The following EVC variants were observed in gnomAD, a reference collection of about 807,000 sequenced individuals.
EVC encodes evC complex member EVC.
Under a neutral mutation model 118.9 loss-of-function variants are expected in EVC, and 116 were observed. That is an observed-to-expected ratio of 0.98 (90% CI 0.84 to 1.14). EVC has a LOEUF of 1.14. Ranked by LOEUF, EVC falls within the 50% of genes most tolerant of loss-of-function variation. The pLI is 0.00. For synonymous variants in EVC, 619 were observed against 534.7 expected, an observed-to-expected ratio of 1.16 and a Z score of -2.18; for missense variants, 1,401 against 1,246.4, an observed-to-expected ratio of 1.12 and a Z score of -1.87.
intron 11 of EVC, among the ~76,000 whole-genome samples, chr4:5,763,734 T>G (rs1732429896): frequency 8.7e-6 from 1 of 115,548 alleles, no homozygotes; most frequent in Non-Finnish European, 1.8e-5. Context: ...ATGCTTGTGA[T>G]TTTTGTACAT....
At chr4:5,711,700 C>T in intron 1 of EVC, 146 bp downstream of exon 1, 1 of 726,096 alleles carries the variant, frequency 1.4e-6, no homozygotes, top group Non-Finnish European at 1.7e-6. Context: ...GGTTCCCCTT[C>T]TGCTCCAGGA....
rs1259104611 is a variant in EVC, at chr4:5,738,192, G to A, written c.703-3524G>A. On this transcript the variant is annotated intron_variant, in intron 5 of 20. Transcript: ENST00000264956. The surrounding 1 kb of genome is among the most constrained non-coding windows in gnomAD (Gnocchi z 6.5). ...AATTGGAGCCTGAAGATGGGACTGA[G>A]CTGCTGCAATCTCATGATGAAACAT... Among the ~76,000 whole-genome samples, 1 of 152,198 alleles carries A rather than the reference G, an allele frequency of 6.6e-6. No individual in the cohort carries two copies. Among genetic ancestry groups the A allele is most frequent in the Non-Finnish European group, 1.5e-5 (1 of 68,030 alleles).
Position 5,749,309 on chromosome 4 carries a change from A to G in EVC, c.1098+1003A>G, listed in dbSNP as rs1409705039. 6.6e-6 allele frequency among the ~76,000 whole-genome samples: 1 copy of G among 151,188 alleles called. No individual in the cohort carries two copies. The highest frequency in any genetic ancestry group is 1.5e-5 in the Non-Finnish European group (1 of 67,894). On this transcript the variant is annotated intron_variant, in intron 8 of 20. Transcript: ENST00000264956. This position sits in a 1 kb window ranked among gnomAD's most constrained non-coding sequence, Gnocchi z 4.4. ...AAGAATTGTCTTAGGCCACACATAA[A>G]ATACATTAACACTAACGATAGCTGA... is the stretch of plus-strand genomic sequence containing the variant.
intron 11 of EVC, among the ~76,000 whole-genome samples, chr4:5,778,393 A>G (rs1735054888): frequency 6.6e-6 from 1 of 151,924 alleles, no homozygotes; most frequent in Non-Finnish European, 1.5e-5. Context: ...TTCTAGTTCT[A>G]GATCCCTGAG....
At position 5,731,478 on chromosome 4, in the gene EVC, T is replaced by G. The variant is rs200690823; in HGVS notation, c.438T>G (p.Ala146=). 1.9e-6 allele frequency: 3 copies of G among 1,613,388 alleles called. No homozygotes were observed. The highest frequency in any genetic ancestry group is 2.7e-5 in the African/African-American group (2 of 74,972). ...NPSLHENLKQ[A]VLPHQPVEAS... Reference sequence around the variant, plus strand: ...CTCTGCATGAAAACTTAAAGCAGGCTGTTTTGCCACACCAGCCGGTAGAGG... The same window carrying G: ...CTCTGCATGAAAACTTAAAGCAGGCGGTTTTGCCACACCAGCCGGTAGAGG... The change falls in exon 4 of 21, where the codon GCT becomes GCG. Residue 146 remains alanine (A), a synonymous_variant. Transcript: ENST00000264956. The surrounding 1 kb of genome is among the most constrained non-coding windows in gnomAD (Gnocchi z 5.6).
chr4:5,757,589 A>G (rs1731371889), intron 11 of EVC, among the ~76,000 whole-genome samples: 1 of 152,218 alleles, frequency 6.6e-6, no homozygotes, highest in Non-Finnish European at 1.5e-5. Context: ...CCGGGCTTGC[A>G]GACAGCTGCC....
At chr4:5,713,225 G>C (rs2151789162) in intron 1 of EVC, among the ~76,000 whole-genome samples, 1 of 152,298 alleles carries the variant, frequency 6.6e-6, no homozygotes, top group African/African-American at 2.4e-5. Flanking sequence ...AGGACTAATA[G>C]GATTTTGTTA....
In EVC at chr4:5,797,176, G is replaced by C. The variant is rs201877358; in HGVS notation, c.2041G>C (p.Glu681Gln). The change falls in exon 14 of 21, where the codon GAG (glutamate) becomes CAG (glutamine). Residue 681 changes from glutamate to glutamine, a missense_variant. Glu to Gln is a conservative substitution (Grantham distance 29, BLOSUM62 2). Transcript: ENST00000264956. ...GGAGCTGCGGGAACAGCGTGCACTG[G>C]AGCAGGGGTCCTCCCAGTGCCTGGA... ...LQELREQRALEQGSSQCLDEH... is the reference protein window; with the variant it reads ...LQELREQRALQQGSSQCLDEH... The C allele has an allele frequency of 6.2e-7, 1 of 1,613,414 alleles. No individual in the cohort carries two copies. The highest frequency in any genetic ancestry group is 1.1e-5 in the South Asian group (1 of 91,064).
intron 4 of EVC, among the ~76,000 whole-genome samples, chr4:5,732,038 A>G (rs1726908606): frequency 6.6e-6 from 1 of 152,206 alleles, no homozygotes; most frequent in African/African-American, 2.4e-5. Context: ...TCCTGGGACA[A>G]GTTCAGCAAT....
intron 8 of EVC, 144 bp from the exon 9 acceptor site, chr4:5,752,692 G>A: frequency 1.2e-6 from 1 of 821,724 alleles, no homozygotes; most frequent in Non-Finnish European, 2.1e-6. Flanking sequence ...ATGAAGGAGA[G>A]GGGGAGTTCA....
chr4:5,720,929 TG>T (rs1724857118), intron 2 of EVC, among the ~76,000 whole-genome samples: 1 of 152,130 alleles, frequency 6.6e-6, no homozygotes, highest in South Asian at 2.1e-4. Context: ...CTCCAAACAC[TG>T]ATTGAGCCCC....
intron 14 of EVC, chr4:5,797,521 C>A: frequency 1.9e-6 from 1 of 529,718 alleles, no homozygotes; most frequent in Admixed American, 3.2e-5. Context: ...TGTCTTCAAC[C>A]TGTGTCCTCC....
At chr4:5,717,089 ACT>A (rs1724085646) in intron 1 of EVC, among the ~76,000 whole-genome samples, 1 of 150,986 alleles carries the variant, frequency 6.6e-6, no homozygotes. Flanking sequence ...TCTTCCAAGA[ACT>A]CCTATCACTT....
In EVC at chr4:5,774,000, C is replaced by G. The variant is rs538406697; in HGVS notation, c.1564-9552C>G. Among the ~76,000 whole-genome samples the G allele has an allele frequency of 2.6e-5, 4 of 152,150 alleles. No individual in the cohort carries two copies. The East Asian group carries it at 5.8e-4, about 22-fold the overall frequency. On this transcript the variant is annotated intron_variant, in intron 11 of 20. Coordinates refer to ENST00000264956, the MANE Select transcript of EVC (RefSeq NM_153717.3). ...AAGATCCATTCCGTGGACTCTGAAC[C>G]TTCATTGGTGCATCTTCAGCCCTGG... is the stretch of plus-strand genomic sequence containing the variant.
chr4:5,824,202 CCTT>C, the EVC span: 2 of 728,680 alleles, frequency 2.7e-6, no homozygotes, highest in African/African-American at 3.8e-5. Flanking sequence ...TTTGCAAACT[CCTT>C]GAGAGCTTGT....
At position 5,719,153 on chromosome 4, in the gene EVC, G is replaced by C; in HGVS notation, c.175-95G>C. ...CGAGCAGAAGTGGCTGCTGGACTGG[G>C]GGAGTTGACTGGCAAAAGTCACGGT... On this transcript the variant is annotated intron_variant, in intron 1 of 20. Transcript: ENST00000264956. The surrounding 1 kb of genome is among the most constrained non-coding windows in gnomAD (Gnocchi z 4.7). 6.6e-7 allele frequency: 1 copy of C among 1,521,504 alleles called. No homozygotes were observed. The highest frequency in any genetic ancestry group is 9.1e-7 in the Non-Finnish European group (1 of 1,099,842). The allele number at this position is 1,521,504 out of a possible 1,614,324, so 94.3% of individuals were successfully genotyped here.
rs1318534831 is a variant in EVC at position 5,749,339 on chromosome 4, C to T, written c.1098+1033C>T. 2.6e-4 allele frequency among the ~76,000 whole-genome samples: 23 copies of T among 87,194 alleles called. No homozygotes were observed. The South Asian group carries it at 5.4e-3, about 20-fold the overall frequency. 57.2% of individuals were successfully genotyped at this position (87,194 alleles called of 152,430 possible). A position where few individuals can be genotyped will look rare whatever the true frequency, so the allele number is the denominator to read the frequency against. Reference sequence around the variant, plus strand: ...ATTAACACTAACGATAGCTGATGAGCGGAAAAAAAAAAAAAAAAAAAGGTC... The same window carrying T: ...ATTAACACTAACGATAGCTGATGAGTGGAAAAAAAAAAAAAAAAAAAGGTC... On this transcript the variant is annotated intron_variant, in intron 8 of 20. Transcript: ENST00000264956. This position sits in a 1 kb window ranked among gnomAD's most constrained non-coding sequence, Gnocchi z 4.4.
intron 12 of EVC, among the ~76,000 whole-genome samples, chr4:5,784,360 G>T (rs1032289564): frequency 6.6e-6 from 1 of 152,104 alleles, no homozygotes; most frequent in Admixed American, 6.5e-5. Context: ...AGCAGAGGTC[G>T]GAATGGTGTG....
At position 5,731,713 on chromosome 4, in the gene EVC, GA is replaced by G; in HGVS notation, c.617+57del. Reference sequence around the variant, plus strand: ...TTCCAGTCCTCTTGGAGTGGGCCGGGAGTCACATCATTGTCAGAGGAGGAAA... The same window carrying G: ...TTCCAGTCCTCTTGGAGTGGGCCGGGGTCACATCATTGTCAGAGGAGGAAA... On this transcript the variant is annotated intron_variant, in intron 4 of 20. Coordinates refer to ENST00000264956, the MANE Select transcript of EVC (RefSeq NM_153717.3). This position sits in a 1 kb window ranked among gnomAD's most constrained non-coding sequence, Gnocchi z 5.6. 6.7e-7 allele frequency: 1 copy of G among 1,501,484 alleles called. No homozygotes were observed. The highest frequency in any genetic ancestry group is 9.2e-7 in the Non-Finnish European group (1 of 1,092,856). The allele number at this position is 1,501,484 out of a possible 1,614,324, so 93.0% of individuals were successfully genotyped here.
Sources: allele counts gnomAD v4.1 joint callset (sites outside exome capture counted in the v4.1 genomes callset), GRCh38; gene constraint gnomAD v4.1.1; non-coding constraint Gnocchi (gnomAD v3.1); transcripts MANE v1.5; gene names NCBI Gene and HGNC (gene_info 2026-07-23, HGNC 2026-07-21).